TFDP2: variants seen among roughly 807,000 people sequenced by gnomAD.
TFDP2 encodes transcription factor Dp-2 (E2F dimerization partner 2).
TFDP2 carries 17 observed loss-of-function variants against 59.3 expected under a neutral mutation model. The ratio of observed to expected loss-of-function variants is 0.29; its 90% CI spans 0.20 to 0.43. The LOEUF is 0.43. TFDP2 is among the 20% of genes least tolerant of loss of function. The probability of loss-of-function intolerance (pLI) is 1.00; values close to 1 mark genes in which losing one functional copy is unlikely to be tolerated. For missense variants in TFDP2, 391 were observed against 528.8 expected (o/e 0.74, Z 2.56); for synonymous variants, 180 against 194.7 (o/e 0.92, Z 0.63).
At chr3:141,969,614 A>C (rs978472797) in intron 9 of TFDP2, among the ~76,000 whole-genome samples, 21 of 152,078 alleles carry the variant, frequency 1.4e-4, no homozygotes, top group Non-Finnish European at 2.2e-4. Flanking sequence ...CAGTCTCAAA[A>C]AACAACAACA....
intron 1 of TFDP2, among the ~76,000 whole-genome samples, chr3:142,135,739 C>CGAT (rs1270783694): frequency 1.3e-5 from 2 of 152,056 alleles, no homozygotes; most frequent in African/African-American, 4.8e-5. Flanking sequence ...TGAACTCATC[C>CGAT]ATTTTTATGG....
At chr3:142,133,204 T>C (rs1007810798) in intron 1 of TFDP2, among the ~76,000 whole-genome samples, 1 of 150,048 alleles carries the variant, frequency 6.7e-6, no homozygotes, top group African/African-American at 2.5e-5. Context: ...AATTATCAAA[T>C]TTCAAATACA....
intron 4 of TFDP2, among the ~76,000 whole-genome samples, chr3:141,997,509 A>G (rs982768490): frequency 6.6e-6 from 1 of 152,046 alleles, no homozygotes; most frequent in Non-Finnish European, 1.5e-5. Context: ...TCTATATGGT[A>G]TTAGCAGCCT....
chr3:141,969,001 CATATATATAG>C lies in TFDP2; in HGVS notation c.732+1062_732+1071del, dbSNP rs369268727. Reference sequence around the variant, plus strand: ...ATATAGATATATATAACATATATCTCATATATATAGATATATATATAACATATATCTCATA... The same window carrying C: ...ATATAGATATATATAACATATATCTCATATATATATAACATATATCTCATA... On this transcript the variant is annotated intron_variant, in intron 9 of 12. Coordinates refer to ENST00000489671, the MANE Select transcript of TFDP2 (RefSeq NM_001178139.2). Among the ~76,000 whole-genome samples, 646 of 78,986 alleles carry C rather than the reference CATATATATAG, an allele frequency of 8.2e-3. 12 individuals carry two copies. Among genetic ancestry groups the C allele is most frequent in the South Asian group, 0.021 (55 of 2,586 alleles). 51.8% of individuals were successfully genotyped at this position (78,986 alleles called of 152,430 possible). A position where few individuals can be genotyped will look rare whatever the true frequency, so the allele number is the denominator to read the frequency against.
At chr3:142,149,087 C>T in intron 1 of TFDP2, 96 bp downstream of exon 1, 1 of 395,636 alleles carries the variant, frequency 2.5e-6, no homozygotes, top group Non-Finnish European at 4.5e-6. Flanking sequence ...AACAAGGGGG[C>T]CCCTGTGCGC....
intron 3 of TFDP2, among the ~76,000 whole-genome samples, chr3:142,014,986 G>A (rs2108317900): frequency 6.6e-6 from 1 of 152,196 alleles, no homozygotes; most frequent in Non-Finnish European, 1.5e-5. Context: ...CAATTCCACT[G>A]AAATTCTTGG....
chr3:142,092,899 A>G (rs955779072), intron 3 of TFDP2, 162 bp downstream of exon 3: 6 of 472,778 alleles, frequency 1.3e-5, no homozygotes, highest in African/African-American at 1.2e-4. Flanking sequence ...TCCGTCTGTC[A>G]GAGGTAAATG....
At chr3:142,135,957 C>T (rs1246102951) in intron 1 of TFDP2, among the ~76,000 whole-genome samples, 2 of 152,024 alleles carry the variant, frequency 1.3e-5, no homozygotes, top group East Asian at 3.8e-4. Context: ...ATTTCTAGTT[C>T]TAGATCCTTG....
At chr3:142,113,291 G>A (rs1296412728) in intron 1 of TFDP2, among the ~76,000 whole-genome samples, 2 of 150,144 alleles carry the variant, frequency 1.3e-5, no homozygotes, top group African/African-American at 2.4e-5. Flanking sequence ...ATGGAATCTC[G>A]CTCTGTCACC....
intron 2 of TFDP2, among the ~76,000 whole-genome samples, chr3:142,099,866 T>C (rs2061269841): frequency 6.6e-6 from 1 of 152,140 alleles, no homozygotes; most frequent in Non-Finnish European, 1.5e-5. Flanking sequence ...TTTATCACAA[T>C]ATCCTATACC....
intron 6 of TFDP2, among the ~76,000 whole-genome samples, chr3:141,989,963 G>A (rs1172518989): frequency 1.3e-5 from 2 of 151,882 alleles, no homozygotes; most frequent in Admixed American, 6.6e-5. Context: ...GCACGAACTT[G>A]GCTCACTGCA....
intron 3 of TFDP2, among the ~76,000 whole-genome samples, chr3:142,018,429 CA>C (rs1243285819): frequency 3.3e-5 from 5 of 152,004 alleles, no homozygotes; most frequent in Admixed American, 3.3e-4. Context: ...TGAAAGTCTC[CA>C]TTTACATATA....
intron 3 of TFDP2, among the ~76,000 whole-genome samples, chr3:142,016,576 C>A (rs1315930095): frequency 2.0e-5 from 3 of 152,222 alleles, no homozygotes; most frequent in Non-Finnish European, 4.4e-5. Flanking sequence ...GCTGGGATTA[C>A]AGGCATGAGC....
At chr3:142,109,880 T>G (rs572736658) in intron 1 of TFDP2, among the ~76,000 whole-genome samples, 14 of 152,268 alleles carry the variant, frequency 9.2e-5, no homozygotes, top group African/African-American at 3.4e-4. Flanking sequence ...TTATGTTCAC[T>G]GCTCCCTTTA....
At chr3:142,045,961 T>C (rs16852073) in intron 3 of TFDP2, among the ~76,000 whole-genome samples, 7,670 of 152,198 alleles carry the variant, frequency 0.05, 620 homozygotes, top group African/African-American at 0.17. Context: ...GACCTAGTAT[T>C]GAGCAGTCAC....
At chr3:141,962,626 C>T (rs1353883248) in intron 10 of TFDP2, among the ~76,000 whole-genome samples, 1 of 152,240 alleles carries the variant, frequency 6.6e-6, no homozygotes. Flanking sequence ...TCCCAGAGTG[C>T]TGGGATTACA....
intron 3 of TFDP2, among the ~76,000 whole-genome samples, chr3:142,006,756 G>A (rs933679278): frequency 1.3e-5 from 2 of 151,680 alleles, no homozygotes; most frequent in African/African-American, 2.4e-5. Flanking sequence ...CTTGAGCCAC[G>A]GCACCCAGCC....
At chr3:141,993,497 T>C (rs780712700) in intron 6 of TFDP2, 41 bp downstream of exon 6, 4 of 1,380,100 alleles carry the variant, frequency 2.9e-6, no homozygotes, top group Middle Eastern at 1.9e-4. Context: ...CCTCTCTATA[T>C]AGCCAAATCT....
At chr3:142,116,502 A>C (rs2061857232) in intron 1 of TFDP2, among the ~76,000 whole-genome samples, 1 of 152,220 alleles carries the variant, frequency 6.6e-6, no homozygotes, top group Non-Finnish European at 1.5e-5. Context: ...TGGAAGAAGC[A>C]ATAAAGGATC....
Sources: allele counts gnomAD v4.1 joint callset (sites outside exome capture counted in the v4.1 genomes callset), GRCh38; gene constraint gnomAD v4.1.1; transcripts MANE v1.5; gene names NCBI Gene and HGNC (gene_info 2026-07-23, HGNC 2026-07-21).